CD1B: variants seen among roughly 807,000 people sequenced by gnomAD.
CD1B encodes T-cell surface glycoprotein CD1b.
Under a neutral mutation model 39.8 loss-of-function variants are expected in CD1B, and 43 were observed. That is an observed-to-expected ratio of 1.08 (90% CI 0.85 to 1.39). CD1B has a LOEUF of 1.39. Among genes scored for constraint, CD1B ranks in the 40% most tolerant of loss-of-function variants. The pLI, the probability that CD1B is intolerant of heterozygous loss-of-function variation, is 0.00. For synonymous variants in CD1B, 192 were observed against 152.5 expected (o/e 1.26, Z -1.91); for missense variants, 495 against 403.8 (o/e 1.23, Z -1.94).
chr1:158,315,342 T>C, the CD1B span, among the ~76,000 whole-genome samples: 4 of 151,718 alleles, frequency 2.6e-5, no homozygotes, highest in East Asian at 1.9e-4. Flanking sequence ...TTTTAATGAT[T>C]GCCATTCTAA....
chr1:158,307,005 A>G, the CD1B span, among the ~76,000 whole-genome samples: 2 of 152,368 alleles, frequency 1.3e-5, no homozygotes, highest in African/African-American at 4.8e-5. Flanking sequence ...ACACCATAAC[A>G]TCACAATTAA....
chr1:158,327,128 T>C (rs576545944), downstream of CD1B, among the ~76,000 whole-genome samples: 2 of 152,318 alleles, frequency 1.3e-5, no homozygotes, highest in East Asian at 1.9e-4. Context: ...GGACCAGCGC[T>C]GGCTGGTCCA....
chr1:158,300,658 G>A, the CD1B span, among the ~76,000 whole-genome samples: 1 of 151,944 alleles, frequency 6.6e-6, no homozygotes, highest in Admixed American at 6.6e-5. Context: ...ATGAATCTGG[G>A]TGCTCCTGTT....
the CD1B span, among the ~76,000 whole-genome samples, chr1:158,298,377 G>A: frequency 2.3e-4 from 35 of 152,198 alleles, 2 homozygotes; most frequent in Middle Eastern, 3.4e-3. Context: ...ACTTAAACTC[G>A]ACACTTGACC....
chr1:158,306,807 G>A, the CD1B span, among the ~76,000 whole-genome samples: 1 of 152,100 alleles, frequency 6.6e-6, no homozygotes, highest in Non-Finnish European at 1.5e-5. Flanking sequence ...CATGGAAACC[G>A]AGCAACCTGC....
the CD1B span, among the ~76,000 whole-genome samples, chr1:158,306,331 G>T: frequency 2.0e-5 from 3 of 152,180 alleles, no homozygotes; most frequent in Non-Finnish European, 4.4e-5. Flanking sequence ...AAGAGACAAA[G>T]AAAGCCATTA....
At chr1:158,303,803 C>A in the CD1B span, among the ~76,000 whole-genome samples, 4 of 152,140 alleles carry the variant, frequency 2.6e-5, no homozygotes, top group African/African-American at 9.7e-5. Context: ...ATTTCATGCT[C>A]ATGGATTGAA....
chr1:158,308,527 A>G, the CD1B span, among the ~76,000 whole-genome samples: 1 of 152,218 alleles, frequency 6.6e-6, no homozygotes, highest in Non-Finnish European at 1.5e-5. Context: ...TGCCAAGTCA[A>G]TCCTAAGCCA....
chr1:158,308,427 A>G, the CD1B span, among the ~76,000 whole-genome samples: 1 of 152,354 alleles, frequency 6.6e-6, no homozygotes, highest in East Asian at 1.9e-4. Flanking sequence ...TGTAGATTCA[A>G]TGCCATCTCC....
At chr1:158,313,805 T>A in the CD1B span, among the ~76,000 whole-genome samples, 1 of 152,178 alleles carries the variant, frequency 6.6e-6, no homozygotes, top group East Asian at 1.9e-4. Flanking sequence ...CTGTGCTTTC[T>A]TTAATGGGAG....
downstream of CD1B, among the ~76,000 whole-genome samples, chr1:158,323,250 T>C (rs1652247840): frequency 6.6e-6 from 1 of 152,122 alleles, no homozygotes; most frequent in Admixed American, 6.5e-5. Flanking sequence ...TGATTTTTTT[T>C]TCTTCTGCTT....
the CD1B span, among the ~76,000 whole-genome samples, chr1:158,308,815 T>G: frequency 6.6e-6 from 1 of 152,106 alleles, no homozygotes; most frequent in Admixed American, 6.6e-5. Context: ...CCTTACACCT[T>G]ATACAAAAAT....
the CD1B span, among the ~76,000 whole-genome samples, chr1:158,289,513 G>C: frequency 6.6e-6 from 1 of 152,104 alleles, no homozygotes; most frequent in East Asian, 1.9e-4. Flanking sequence ...TGAGAATGAG[G>C]AAATAAGAAA....
chr1:158,326,534 A>G (rs1652357335), downstream of CD1B, among the ~76,000 whole-genome samples: 1 of 152,176 alleles, frequency 6.6e-6, no homozygotes, highest in Admixed American at 6.5e-5. Context: ...TTCATGAGAC[A>G]ATTGGAAAAA....
rs760986894 is a variant in CD1B, at chr1:158,329,529, G to C, written c.727C>G (p.Gln243Glu). 2.5e-6 allele frequency: 4 copies of C among 1,613,974 alleles called. No homozygotes were observed. The highest frequency in any genetic ancestry group is 3.4e-6 in the Non-Finnish European group (4 of 1,179,998). ...PVWVMWMRGE[Q>E]EQQGTQLGDI... ...CCTAGCTGAGTGCCCTGCTGCTCCTGCTCACCCCGCATCCACATCACCCAC... is the reference window on the plus strand; with the variant it reads ...CCTAGCTGAGTGCCCTGCTGCTCCTCCTCACCCCGCATCCACATCACCCAC... The change falls in exon 4 of 6, where the codon CAG becomes GAG. Residue 243 changes from glutamine (Q) to glutamate (E), a missense_variant. Transcript: ENST00000368168.
At chr1:158,316,791 G>C in the CD1B span, among the ~76,000 whole-genome samples, 1 of 151,624 alleles carries the variant, frequency 6.6e-6, no homozygotes, top group Non-Finnish European at 1.5e-5. Context: ...ATTGGCTGTG[G>C]GTTTGTCATA....
At chr1:158,293,105 AC>A in the CD1B span, 1 of 966,806 alleles carries the variant, frequency 1.0e-6, no homozygotes, top group Non-Finnish European at 1.6e-6. Context: ...AAATAGGATA[AC>A]TGATGCAACT....
At chr1:158,330,315 C>T (rs1459548681) in intron 2 of CD1B, among the ~76,000 whole-genome samples, 185 bp from the exon 3 acceptor site, 1 of 151,988 alleles carries the variant, frequency 6.6e-6, no homozygotes, top group East Asian at 1.9e-4. Flanking sequence ...AATGTGCATG[C>T]CATGAAGACA....
chr1:158,329,720 C>A, intron 3 of CD1B, 72 bp from the exon 4 acceptor site: 1 of 1,573,450 alleles, frequency 6.4e-7, no homozygotes. Flanking sequence ...CAGAAACCTA[C>A]AAGCTTGGAC....
Sources: gnomAD v4.1 joint callset for allele counts (sites outside exome capture counted in the v4.1 genomes callset) on GRCh38, gnomAD v4.1.1 for gene constraint, MANE v1.5 for transcripts, NCBI Gene and HGNC (gene_info 2026-07-23, HGNC 2026-07-21) for gene names.